Variants in TRPC5 observed in about 807,000 individuals in gnomAD.
TRPC5 encodes the protein transient receptor potential cation channel subfamily C member 5.
TRPC5 carries 9 observed loss-of-function variants against 56.5 expected under a neutral mutation model. That is an observed-to-expected ratio of 0.16 (90% CI 0.10 to 0.28). TRPC5 has a LOEUF of 0.28. Among genes scored for constraint, TRPC5 ranks in the 10% least tolerant of loss-of-function variants. TRPC5 has a pLI of 1.00. For synonymous variants in TRPC5, 282 were observed against 278.5 expected (o/e 1.01, Z -0.13); for missense variants, 469 against 748.9 (o/e 0.63, Z 4.36).
intron 1 of TRPC5, among the ~76,000 whole-genome samples, chrX:111,978,518 G>A (rs1927989617): frequency 9.0e-6 from 1 of 111,228 alleles, no homozygotes; most frequent in African/African-American, 3.3e-5. Context: ...CGTACCGTAT[G>A]AGCCAGTCTA....
chrX:111,849,519 C>G (rs1040529991), intron 5 of TRPC5, among the ~76,000 whole-genome samples: 1 of 111,953 alleles, frequency 8.9e-6, no homozygotes, highest in Non-Finnish European at 1.9e-5. Flanking sequence ...CAGGTTTGGC[C>G]CACAGACCAT....
intron 2 of TRPC5, among the ~76,000 whole-genome samples, chrX:111,915,950 A>C (rs1422254110): frequency 9.1e-6 from 1 of 109,462 alleles, no homozygotes; most frequent in Non-Finnish European, 1.9e-5. Context: ...TAAAAAACAA[A>C]CAAACAAACA....
intron 3 of TRPC5, among the ~76,000 whole-genome samples, chrX:111,909,567 T>C (rs1302203009): frequency 9.1e-6 from 1 of 110,283 alleles, no homozygotes; most frequent in Non-Finnish European, 1.9e-5. Context: ...ATTAGGTATA[T>C]CTTACCACAA....
chrX:112,076,725 A>G (rs929076176), intron 1 of TRPC5, among the ~76,000 whole-genome samples: 2 of 111,893 alleles, frequency 1.8e-5, no homozygotes, highest in African/African-American at 6.5e-5. Context: ...CTAACTTGGT[A>G]ATATTTTGAG....
chrX:112,071,438 T>A (rs1192225264), intron 1 of TRPC5, among the ~76,000 whole-genome samples: 2 of 112,327 alleles, frequency 1.8e-5, no homozygotes, highest in African/African-American at 3.2e-5. Flanking sequence ...GGTCACATTG[T>A]GTAGTCAGTG....
At chrX:112,059,639 C>T (rs760442085) in intron 1 of TRPC5, among the ~76,000 whole-genome samples, 1 of 111,672 alleles carries the variant, frequency 9.0e-6, no homozygotes, top group African/African-American at 3.3e-5. Context: ...CCCCAAATCT[C>T]CACATCTATC....
intron 7 of TRPC5, among the ~76,000 whole-genome samples, chrX:111,809,671 C>G (rs764730023): frequency 9.0e-6 from 1 of 111,043 alleles, no homozygotes; most frequent in South Asian, 3.9e-4. Context: ...TATGAAGGTG[C>G]TTTACGGTGT....
rs1313245836 is a variant in TRPC5 at position 111,770,195 on chromosome X, C to T, written c.*6118G>A. Among the ~76,000 whole-genome samples, 1 of 111,883 alleles carries T rather than the reference C, an allele frequency of 8.9e-6. No individual in the cohort carries two copies. The highest frequency in any genetic ancestry group is 1.9e-5 in the Non-Finnish European group (1 of 53,126). ...TAGTGCCCTTCCTTACCTTTCATTT[C>T]TCTTTCATGTTGTTTTGACAAACCC... On this transcript the variant is annotated 3_prime_UTR_variant, in exon 11 of 11. Transcript: ENST00000262839.
At chrX:112,014,459 GTT>G (rs1201394342) in intron 1 of TRPC5, among the ~76,000 whole-genome samples, 1 of 112,323 alleles carries the variant, frequency 8.9e-6, no homozygotes, top group Non-Finnish European at 1.9e-5. Context: ...GCTCTTTACA[GTT>G]TTTTGTTCGT....
At chrX:111,852,470 A>G in intron 4 of TRPC5, 33 bp from the exon 5 acceptor site, 1 of 1,189,775 alleles carries the variant, frequency 8.4e-7, no homozygotes, top group Non-Finnish European at 1.1e-6. Flanking sequence ...TTATTTCTAC[A>G]TAGGGTCAGC....
intron 1 of TRPC5, among the ~76,000 whole-genome samples, chrX:112,080,333 CCT>C (rs749143780): frequency 1.8e-5 from 2 of 109,111 alleles, no homozygotes; most frequent in Non-Finnish European, 3.8e-5. Context: ...CTCCTGCTCC[CCT>C]CTGTTACAAA....
In TRPC5 at chrX:111,775,847, A is replaced by G. The variant is rs1272852185; in HGVS notation, c.*466T>C. The G allele has an allele frequency of 8.7e-6, 1 of 115,375 alleles. No individual in the cohort carries two copies. The highest frequency in any genetic ancestry group is 1.8e-5 in the Non-Finnish European group (1 of 55,425). 9.5% of individuals were successfully genotyped at this position (115,375 alleles called of 1,213,427 possible). On this transcript the variant is annotated 3_prime_UTR_variant, in exon 11 of 11. Transcript: ENST00000262839. The stretch of plus-strand genomic sequence containing the variant: ...GCAGCGCGTAGCACTGAATGGCAAC[A>G]AAGATGGGCAGGGTAGTTTGCCTTA...
At chrX:111,987,384 C>T (rs893189128) in intron 1 of TRPC5, among the ~76,000 whole-genome samples, 3 of 110,732 alleles carry the variant, frequency 2.7e-5, no homozygotes, top group Non-Finnish European at 5.7e-5. Context: ...AAAACCTATT[C>T]TCTTAACAAA....
At chrX:111,960,340 T>G (rs972771944) in intron 1 of TRPC5, among the ~76,000 whole-genome samples, 3 of 112,540 alleles carry the variant, frequency 2.7e-5, no homozygotes, top group South Asian at 3.7e-4. Flanking sequence ...GTAAGCTTTT[T>G]CCTCTCCTTC....
intron 1 of TRPC5, among the ~76,000 whole-genome samples, chrX:111,966,683 A>G (rs1315921990): frequency 8.9e-6 from 1 of 112,287 alleles, no homozygotes; most frequent in Non-Finnish European, 1.9e-5. Flanking sequence ...ACATATGCAA[A>G]TCAATAAATG....
At chrX:111,836,148 CCT>C (rs1174505497) in intron 6 of TRPC5, among the ~76,000 whole-genome samples, 1 of 111,508 alleles carries the variant, frequency 9.0e-6, no homozygotes, top group Non-Finnish European at 1.9e-5. Context: ...ATTATTATTT[CCT>C]CTCTTAGACT....
At position 111,774,468 on chromosome X, in the gene TRPC5, G is replaced by A. The variant is rs1415426125; in HGVS notation, c.*1845C>T. ...GCCATTTTATGACAGTCTTAGCGAAGCAGGGGAGAAATTGATTTGAGTAAA... is the reference window on the plus strand; with the variant it reads ...GCCATTTTATGACAGTCTTAGCGAAACAGGGGAGAAATTGATTTGAGTAAA... On this transcript the variant is annotated 3_prime_UTR_variant, in exon 11 of 11. Coordinates refer to ENST00000262839, the MANE Select transcript of TRPC5 (RefSeq NM_012471.3). 8.9e-6 allele frequency: 1 copy of A among 111,780 alleles called. No individual in the cohort carries two copies. Among genetic ancestry groups the A allele is most frequent in the Non-Finnish European group, 1.9e-5 (1 of 53,147 alleles). The allele number at this position is 111,780 out of a possible 1,213,427, so 9.2% of individuals were successfully genotyped here.
At chrX:112,046,418 G>T (rs757878983) in intron 1 of TRPC5, among the ~76,000 whole-genome samples, 2 of 110,317 alleles carry the variant, frequency 1.8e-5, no homozygotes, top group East Asian at 5.7e-4. Context: ...GCCAGAGCCT[G>T]GTGCCTCCCT....
At chrX:111,927,080 A>C (rs754941912) in intron 2 of TRPC5, among the ~76,000 whole-genome samples, 3 of 112,382 alleles carry the variant, frequency 2.7e-5, no homozygotes, top group African/African-American at 9.7e-5. Flanking sequence ...CATTATTGGA[A>C]TTAGTCCAGG....
Sources: allele counts gnomAD v4.1 joint callset (sites outside exome capture counted in the v4.1 genomes callset), GRCh38; gene constraint gnomAD v4.1.1; transcripts MANE v1.5; gene names NCBI Gene and HGNC (gene_info 2026-07-23, HGNC 2026-07-21).